Variants in IGFBPL1 observed in about 807,000 individuals in gnomAD.
The protein encoded by IGFBPL1 is insulin like growth factor binding protein like 1, also known as insulin-like growth factor-binding protein-like 1.
IGFBPL1 carries 20 observed loss-of-function variants against 23.9 expected under a neutral mutation model. That is an observed-to-expected ratio of 0.84 (90% CI 0.59 to 1.22). The LOEUF (loss-of-function observed/expected upper bound fraction) is 1.22, where lower values mean the gene tolerates loss of function less well. Among genes scored for constraint, IGFBPL1 ranks in the 50% most tolerant of loss-of-function variants. The pLI, the probability that IGFBPL1 is intolerant of heterozygous loss-of-function variation, is 0.00. For synonymous variants in IGFBPL1, 184 were observed against 171.8 expected, an observed-to-expected ratio of 1.07 and a Z score of -0.56; for missense variants, 436 against 379.3, an observed-to-expected ratio of 1.15 and a Z score of -1.24.
In IGFBPL1 at chr9:38,416,676, ATTT is replaced by A. The variant is rs10555920; in HGVS notation, c.461-2476_461-2474del. Among the ~76,000 whole-genome samples the A allele has an allele frequency of 1.4e-3, 197 of 140,424 alleles. 1 individual carries two copies. Among genetic ancestry groups the A allele is most frequent in the South Asian group, 2.5e-3 (11 of 4,324 alleles). 92.1% of individuals were successfully genotyped at this position (140,424 alleles called of 152,430 possible). A position where few individuals can be genotyped will look rare whatever the true frequency, so the allele number is the denominator to read the frequency against. On this transcript the variant is annotated intron_variant, in intron 1 of 4. Coordinates refer to ENST00000377694, the MANE Select transcript of IGFBPL1 (RefSeq NM_001007563.3). ...CTCATGCCATAATAATCCGGTTCTA[ATTT>A]TTTTTTTTTTTTTTGAGGCAGAGTC... is the stretch of plus-strand genomic sequence containing the variant.
intron 1 of IGFBPL1, among the ~76,000 whole-genome samples, chr9:38,419,629 C>T (rs1313860822): frequency 1.3e-5 from 2 of 152,130 alleles, no homozygotes; most frequent in African/African-American, 4.8e-5. Flanking sequence ...ATGACATTAA[C>T]TTGCTGTCCG....
Position 38,421,589 on chromosome 9 carries a change from A to G in IGFBPL1, c.460+2376T>C, listed in dbSNP as rs569597804. On this transcript the variant is annotated intron_variant, in intron 1 of 4. Transcript: ENST00000377694. ...AGGAGTCAGGAGGGGTGATTTTATC[A>G]TGAATATTGAAGCAGAACAGCCCTG... Among the ~76,000 whole-genome samples, 51 of 152,280 alleles carry G rather than the reference A, an allele frequency of 3.3e-4. 1 individual carries two copies. The South Asian group carries it at 1.0e-2, about 30-fold the overall frequency.
intron 3 of IGFBPL1, among the ~76,000 whole-genome samples, chr9:38,412,906 C>T (rs559446365): frequency 6.8e-4 from 103 of 152,288 alleles, no homozygotes; most frequent in Non-Finnish European, 4.9e-4. Context: ...TTGGCCCACC[C>T]GGATAATCCA....
At chr9:38,411,258 C>T in intron 4 of IGFBPL1, 133 bp downstream of exon 4, 1 of 697,748 alleles carries the variant, frequency 1.4e-6, no homozygotes, top group Non-Finnish European at 2.4e-6. Context: ...AAGTATGTCC[C>T]TACTCTTCTT....
chr9:38,414,715 G>A (rs1056348921), intron 1 of IGFBPL1, among the ~76,000 whole-genome samples: 1 of 152,134 alleles, frequency 6.6e-6, no homozygotes, highest in Non-Finnish European at 1.5e-5. Flanking sequence ...CATTCAAGAT[G>A]CCCATTTGCA....
intron 3 of IGFBPL1, 108 bp downstream of exon 3, chr9:38,413,129 C>G (rs1463779025): frequency 1.3e-6 from 1 of 757,712 alleles, no homozygotes; most frequent in Non-Finnish European, 2.3e-6. Context: ...CTGGAGGGGC[C>G]AGTGAGAAAT....
At chr9:38,423,393 ACGTCTC>A (rs1267844991) in intron 1 of IGFBPL1, among the ~76,000 whole-genome samples, 1 of 152,108 alleles carries the variant, frequency 6.6e-6, no homozygotes, top group Non-Finnish European at 1.5e-5. Flanking sequence ...TTCAGACCTT[ACGTCTC>A]CAAAGGTCTT....
intron 2 of IGFBPL1, among the ~76,000 whole-genome samples, chr9:38,413,824 G>A (rs1218647431): frequency 1.3e-5 from 2 of 152,090 alleles, no homozygotes; most frequent in Non-Finnish European, 2.9e-5. Flanking sequence ...AGCTTTCTGG[G>A]TCCCTAAGTG....
rs148729692 is a variant in IGFBPL1, at chr9:38,414,160, G to T, written c.504C>A (p.Thr168=). ...VVPPRSVHNV[T]GAQVGLSCEV... ...CACAGGACAGGCCCACCTGCGCCCC[G>T]GTGACGTTGTGAACACTTCGGGGAG... The change falls in exon 2 of 5, where the codon ACC becomes ACA. Residue 168 remains threonine, a synonymous_variant. Coordinates refer to ENST00000377694, the MANE Select transcript of IGFBPL1 (RefSeq NM_001007563.3). 1.2e-5 allele frequency: 20 copies of T among 1,611,240 alleles called. No individual in the cohort carries two copies. Among genetic ancestry groups the T allele is most frequent in the African/African-American group, 2.7e-5 (2 of 74,654 alleles).
intron 1 of IGFBPL1, among the ~76,000 whole-genome samples, chr9:38,414,506 T>C (rs1275196387): frequency 6.6e-6 from 1 of 152,084 alleles, no homozygotes; most frequent in Non-Finnish European, 1.5e-5. Context: ...CCTCCCAGGG[T>C]CCGTTCCAGG....
chr9:38,421,913 A>G (rs1173372497), intron 1 of IGFBPL1, among the ~76,000 whole-genome samples: 1 of 152,190 alleles, frequency 6.6e-6, no homozygotes, highest in African/African-American at 2.4e-5. Context: ...GCCTGTCAGT[A>G]ATGAGATCAT....
chr9:38,410,178 C>A (rs1821490559), intron 4 of IGFBPL1, among the ~76,000 whole-genome samples: 1 of 152,188 alleles, frequency 6.6e-6, no homozygotes, highest in Non-Finnish European at 1.5e-5. Flanking sequence ...ACTGCTCCCC[C>A]ATTCCTGTAA....
In IGFBPL1 at chr9:38,424,208, C is replaced by T. The variant is rs1432617974; in HGVS notation, c.217G>A (p.Glu73Lys). The part of the protein sequence containing the change: ...CGCCARCLGA[E>K]GASCGGRAGG... ...GCGCGGCCCCCGCAGCTCGCGCCCT[C>T]GGCTCCCAGGCAGCGGGCGCAGCAG... The change falls in exon 1 of 5, where the codon GAG (glutamate) becomes AAG (lysine). Residue 73 changes from glutamate (E) to lysine (K), a missense_variant. Transcript: ENST00000377694. 8.5e-7 allele frequency: 1 copy of T among 1,174,966 alleles called. No individual in the cohort carries two copies. The highest frequency in any genetic ancestry group is 1.0e-6 in the Non-Finnish European group (1 of 952,644). The allele number at this position is 1,174,966 out of a possible 1,614,324, so 72.8% of individuals were successfully genotyped here.
chr9:38,422,627 C>G (rs540828238), intron 1 of IGFBPL1, among the ~76,000 whole-genome samples: 34 of 152,354 alleles, frequency 2.2e-4, no homozygotes, highest in Non-Finnish European at 4.1e-4. Context: ...CGTCCAGGGC[C>G]ACTCAGGGAG....
At chr9:38,418,324 T>C (rs1318693097) in intron 1 of IGFBPL1, among the ~76,000 whole-genome samples, 2 of 152,078 alleles carry the variant, frequency 1.3e-5, no homozygotes, top group African/African-American at 4.8e-5. Flanking sequence ...TGTCTTCTTC[T>C]TTAAAATGGG....
chr9:38,419,535 A>G (rs1464587655), intron 1 of IGFBPL1, among the ~76,000 whole-genome samples: 2 of 152,160 alleles, frequency 1.3e-5, no homozygotes, highest in African/African-American at 4.8e-5. Flanking sequence ...TCAGGGTCTC[A>G]GGAGCTCACC....
intron 1 of IGFBPL1, among the ~76,000 whole-genome samples, chr9:38,422,641 G>C (rs1238022787): frequency 6.6e-6 from 1 of 152,216 alleles, no homozygotes; most frequent in Non-Finnish European, 1.5e-5. Context: ...CAGGGAGCCA[G>C]CGGCAGCACA....
At position 38,424,269 on chromosome 9, in the gene IGFBPL1, G is replaced by A. The variant is rs775529459; in HGVS notation, c.156C>T (p.Cys52=). 4 of 1,232,374 alleles carry A rather than the reference G, an allele frequency of 3.2e-6. No individual in the cohort carries two copies. In the East Asian group the frequency reaches 1.0e-4, roughly 31 times the overall value. 76.3% of individuals were successfully genotyped at this position (1,232,374 alleles called of 1,614,324 possible). The change falls in exon 1 of 5, where the codon TGC becomes TGT. Residue 52 remains cysteine, a synonymous_variant. Coordinates refer to ENST00000377694, the MANE Select transcript of IGFBPL1 (RefSeq NM_001007563.3). ...RPEGCPAPAP[C]PAPGISALDE... is the part of the protein sequence containing the mutation. ...CGAGCGCCGAGATCCCGGGCGCCGG[G>A]CAGGGCGCAGGCGCCGGGCAGCCCT...
At position 38,424,083 on chromosome 9, in the gene IGFBPL1, G is replaced by T; in HGVS notation, c.342C>A (p.Val114=). The T allele has an allele frequency of 7.2e-7, 1 of 1,392,886 alleles. No homozygotes were observed. The highest frequency in any genetic ancestry group is 1.6e-5 in the South Asian group (1 of 63,926). 86.3% of individuals were successfully genotyped at this position (1,392,886 alleles called of 1,614,324 possible). Reference sequence around the variant, plus strand: ...GGTACGAGCGACCGTCGGAGCCGCAGACGGTGCCGCGCTGCGCGCACACGC... The same window carrying T: ...GGTACGAGCGACCGTCGGAGCCGCATACGGTGCCGCGCTGCGCGCACACGC... The part of the protein sequence containing the change: ...GLCVCAQRGT[V]CGSDGRSYPS... The change falls in exon 1 of 5, where the codon GTC becomes GTA. Residue 114 remains valine, a synonymous_variant. Coordinates refer to ENST00000377694, the MANE Select transcript of IGFBPL1 (RefSeq NM_001007563.3).
Sources: gnomAD v4.1 joint callset for allele counts (sites outside exome capture counted in the v4.1 genomes callset) on GRCh38, gnomAD v4.1.1 for gene constraint, MANE v1.5 for transcripts, NCBI Gene and HGNC (gene_info 2026-07-23, HGNC 2026-07-21) for gene names.